ANO1: variants seen among roughly 807,000 people sequenced by gnomAD.
The protein encoded by ANO1 is anoctamin 1, also known as anoctamin-1.
In ANO1, 59 loss-of-function variants were observed where a neutral mutation model predicts 124.0. The observed-to-expected ratio is 0.48, with a 90% CI of 0.39 to 0.59. The LOEUF (loss-of-function observed/expected upper bound fraction) is 0.59. Ranked by LOEUF, ANO1 falls within the 20% of genes least tolerant of loss-of-function variation. The pLI is 0.00. For synonymous variants in ANO1, 529 were observed against 532.0 expected (o/e 0.99, Z 0.08); for missense variants, 1,059 against 1,328.0 (o/e 0.80, Z 3.15).
At chr11:70,100,193 C>T (rs1023777122) in intron 2 of ANO1, among the ~76,000 whole-genome samples, 1 of 152,192 alleles carries the variant, frequency 6.6e-6, no homozygotes, top group Non-Finnish European at 1.5e-5. Context: ...CAGGCCCCTG[C>T]ACAAAGCCCT....
chr11:70,079,696 G>A (rs896203707), intron 1 of ANO1, among the ~76,000 whole-genome samples: 48 of 152,302 alleles, frequency 3.2e-4, no homozygotes, highest in African/African-American at 1.1e-3. Flanking sequence ...CTCCCCAGGC[G>A]TCAGGCCCAG....
chr11:70,186,414 G>A (rs2135867228), intron 25 of ANO1, among the ~76,000 whole-genome samples: 1 of 151,936 alleles, frequency 6.6e-6, no homozygotes, highest in Admixed American at 6.6e-5. Context: ...CATGGAGAAA[G>A]GGGACCCCAC....
chr11:70,122,070 C>T (rs2046307964), intron 8 of ANO1, among the ~76,000 whole-genome samples: 1 of 96,296 alleles, frequency 1.0e-5, no homozygotes, highest in Non-Finnish European at 2.1e-5. Context: ...TCTCCATCTG[C>T]CTCTGTCTCT....
intron 2 of ANO1, among the ~76,000 whole-genome samples, chr11:70,099,014 C>A (rs1251306677): frequency 6.6e-6 from 1 of 152,228 alleles, no homozygotes; most frequent in African/African-American, 2.4e-5. Context: ...CTTCTGCCCC[C>A]TCTGGTTGGG....
intron 1 of ANO1, among the ~76,000 whole-genome samples, chr11:70,026,544 TA>T (rs1304004452): frequency 6.6e-6 from 1 of 151,834 alleles, no homozygotes; most frequent in African/African-American, 2.4e-5. Context: ...ATGATGATGA[TA>T]AAAATGACAA....
intron 1 of ANO1, among the ~76,000 whole-genome samples, chr11:69,988,504 T>A (rs1405028612): frequency 6.6e-6 from 1 of 152,196 alleles, no homozygotes; most frequent in African/African-American, 2.4e-5. Flanking sequence ...ATCATTGTCA[T>A]CAATGTCATC....
At chr11:70,015,489 T>G (rs1856688541) in intron 1 of ANO1, among the ~76,000 whole-genome samples, 1 of 152,112 alleles carries the variant, frequency 6.6e-6, no homozygotes, top group South Asian at 2.1e-4. Context: ...AGCCCAGCCC[T>G]GGGCGGGTGG....
At chr11:70,130,980 C>T (rs1180814100) in intron 10 of ANO1, among the ~76,000 whole-genome samples, 4 of 152,364 alleles carry the variant, frequency 2.6e-5, no homozygotes, top group East Asian at 3.9e-4. Context: ...CGCTCATAGA[C>T]GGCGCCTGGC....
At chr11:69,972,188 A>C in the ANO1 span, among the ~76,000 whole-genome samples, 1 of 10,414 alleles carries the variant, frequency 9.6e-5, no homozygotes, top group African/African-American at 1.7e-4. Context: ...CTCCGTCTCA[A>C]AAAAAAAAAA....
chr11:70,085,452 A>C, intron 1 of ANO1: 1 of 1,535,284 alleles, frequency 6.5e-7, no homozygotes, highest in Non-Finnish European at 8.7e-7. Context: ...GGTCACCAGC[A>C]CAGCGGGGCC....
chr11:70,159,643 T>C (rs1425159421), intron 16 of ANO1, among the ~76,000 whole-genome samples: 1 of 152,218 alleles, frequency 6.6e-6, no homozygotes, highest in African/African-American at 2.4e-5. Context: ...GAAGGGAGCC[T>C]GCTGCAGGGC....
intron 1 of ANO1, among the ~76,000 whole-genome samples, chr11:70,083,229 C>T (rs2044254603): frequency 6.6e-6 from 1 of 152,172 alleles, no homozygotes; most frequent in Admixed American, 6.5e-5. Flanking sequence ...ATGCTAGGCC[C>T]TGTTGGAAAC....
chr11:70,019,242 CCCA>C (rs1565162179), intron 1 of ANO1, among the ~76,000 whole-genome samples: 1 of 127,476 alleles, frequency 7.8e-6, no homozygotes, highest in South Asian at 3.2e-4. Context: ...GAAGAACCCC[CCCA>C]CACACACACA....
the ANO1 span, among the ~76,000 whole-genome samples, chr11:69,970,444 G>A: frequency 3.3e-5 from 5 of 152,228 alleles, no homozygotes; most frequent in African/African-American, 1.2e-4. Context: ...TCCTGGGAAT[G>A]TCATGTTAGG....
At chr11:70,083,293 G>T (rs1187268930) in intron 1 of ANO1, among the ~76,000 whole-genome samples, 3 of 152,158 alleles carry the variant, frequency 2.0e-5, no homozygotes, top group Non-Finnish European at 2.9e-5. Context: ...CATGAGGGAG[G>T]TCATATAACA....
chr11:70,043,446 T>A (rs1302263678), intron 1 of ANO1, among the ~76,000 whole-genome samples: 2 of 152,166 alleles, frequency 1.3e-5, no homozygotes, highest in African/African-American at 4.8e-5. Context: ...CTTTCCTTTG[T>A]TAATGAGAAG....
At chr11:70,083,604 G>T (rs536464630) in intron 1 of ANO1, among the ~76,000 whole-genome samples, 27 of 152,180 alleles carry the variant, frequency 1.8e-4, no homozygotes, top group Non-Finnish European at 2.9e-4. Flanking sequence ...GAGGATTTTT[G>T]GCCACTCCTT....
At position 70,085,956 on chromosome 11, in the gene ANO1, G is replaced by T. The variant is rs540438260; in HGVS notation, c.109-1796G>T. 3.3e-5 allele frequency among the ~76,000 whole-genome samples: 5 copies of T among 152,382 alleles called. No homozygotes were observed. The South Asian group carries it at 1.0e-3, about 32-fold the overall frequency. The stretch of plus-strand genomic sequence containing the variant: ...CTGCCCAGGGGCTCCAGGCGACCAC[G>T]TGGGGGGACCCTCCAGGCCAGCGAG... On this transcript the variant is annotated intron_variant, in intron 1 of 25. Transcript: ENST00000355303.
Position 70,188,262 on chromosome 11 carries a change from G to C in ANO1, c.*258G>C. On this transcript the variant is annotated 3_prime_UTR_variant, in exon 26 of 26. Coordinates refer to ENST00000355303, the MANE Select transcript of ANO1 (RefSeq NM_018043.7). ...AATCAAAATGATGGCTGGTAATACGGCAATAAGGTAGCAAAGGCAGGTGCT... is the reference window on the plus strand; with the variant it reads ...AATCAAAATGATGGCTGGTAATACGCCAATAAGGTAGCAAAGGCAGGTGCT... 1.9e-6 allele frequency: 1 copy of C among 538,114 alleles called. No individual in the cohort carries two copies. The highest frequency in any genetic ancestry group is 2.5e-5 in the South Asian group (1 of 40,604). The allele number at this position is 538,114 out of a possible 1,614,324, so 33.3% of individuals were successfully genotyped here.
Sources: gnomAD v4.1 joint callset for allele counts (sites outside exome capture counted in the v4.1 genomes callset) on GRCh38, gnomAD v4.1.1 for gene constraint, MANE v1.5 for transcripts, NCBI Gene and HGNC (gene_info 2026-07-23, HGNC 2026-07-21) for gene names.